Variants in PLPPR1 observed in about 807,000 individuals in gnomAD.
The protein encoded by PLPPR1 is phospholipid phosphatase-related protein type 1.
In PLPPR1, 10 loss-of-function variants were observed where a neutral mutation model predicts 33.1. The ratio of observed to expected loss-of-function variants is 0.30; its 90% CI spans 0.19 to 0.51. The LOEUF (loss-of-function observed/expected upper bound fraction) is 0.51. Ranked by LOEUF, PLPPR1 falls within the 20% of genes least tolerant of loss-of-function variation. The pLI, the probability that PLPPR1 is intolerant of heterozygous loss-of-function variation, is 0.97. For missense variants in PLPPR1, 304 were observed against 408.1 expected, an observed-to-expected ratio of 0.74 and a Z score of 2.20; for synonymous variants, 151 against 151.0, an observed-to-expected ratio of 1.00 and a Z score of 0.00.
chr9:101,168,337 G>A (rs1825890683), intron 1 of PLPPR1, among the ~76,000 whole-genome samples: 1 of 151,976 alleles, frequency 6.6e-6, no homozygotes, highest in Admixed American at 6.6e-5. Flanking sequence ...TTATGTGCTG[G>A]CCAAACTTGC....
At chr9:101,268,739 C>G (rs1162788658) in intron 2 of PLPPR1, among the ~76,000 whole-genome samples, 1 of 152,196 alleles carries the variant, frequency 6.6e-6, no homozygotes, top group Non-Finnish European at 1.5e-5. Flanking sequence ...AAAATACAAA[C>G]AACTTTAAGC....
In PLPPR1 at chr9:101,082,417, G is replaced by T. The variant is rs544012673; in HGVS notation, c.-46+53315G>T. Among the ~76,000 whole-genome samples, 16 of 152,186 alleles carry T rather than the reference G, an allele frequency of 1.1e-4. No individual in the cohort carries two copies. The South Asian group carries it at 2.5e-3, about 24-fold the overall frequency. On this transcript the variant is annotated intron_variant, in intron 1 of 7. Coordinates refer to ENST00000374874, the MANE Select transcript of PLPPR1 (RefSeq NM_207299.2). Reference sequence around the variant, plus strand: ...AAAGCATTCCTCCTCCCCCACCAAGGAGGGGATTTTTATTTTTATTTTTTT... The same window carrying T: ...AAAGCATTCCTCCTCCCCCACCAAGTAGGGGATTTTTATTTTTATTTTTTT...
At chr9:101,115,145 A>G (rs922205005) in intron 1 of PLPPR1, among the ~76,000 whole-genome samples, 1 of 152,122 alleles carries the variant, frequency 6.6e-6, no homozygotes, top group Non-Finnish European at 1.5e-5. Context: ...CATTTATGAC[A>G]CCTCAATCCA....
intron 1 of PLPPR1, among the ~76,000 whole-genome samples, chr9:101,075,109 T>A (rs1830521231): frequency 1.3e-5 from 2 of 152,152 alleles, no homozygotes. Flanking sequence ...TCTTAAATAA[T>A]CCAGTGTTTA....
At chr9:101,307,420 C>T (rs1828877074) in intron 4 of PLPPR1, among the ~76,000 whole-genome samples, 1 of 152,170 alleles carries the variant, frequency 6.6e-6, no homozygotes, top group African/African-American at 2.4e-5. Flanking sequence ...CCTTGAAAGA[C>T]CCAGCAACCT....
In PLPPR1 at chr9:101,091,063, T is replaced by G. The variant is rs1418207047; in HGVS notation, c.-46+61961T>G. ...CAATCTCAAATCTGCATCTCTAATC[T>G]AGAGTTATTTTCTGATCTTCAGACC... On this transcript the variant is annotated intron_variant, in intron 1 of 7. Transcript: ENST00000374874. Among the ~76,000 whole-genome samples the G allele has an allele frequency of 2.9e-4, 44 of 151,972 alleles. 1 individual carries two copies. Among genetic ancestry groups the G allele is most frequent in the Admixed American group, 2.9e-3 (44 of 15,252 alleles).
At chr9:101,290,832 A>G (rs888791836) in intron 4 of PLPPR1, among the ~76,000 whole-genome samples, 2 of 152,224 alleles carry the variant, frequency 1.3e-5, no homozygotes, top group African/African-American at 4.8e-5. Context: ...GAACAGCTCC[A>G]GTCTACAGCT....
intron 1 of PLPPR1, among the ~76,000 whole-genome samples, chr9:101,180,165 CACACACACACAG>C (rs1826083556): frequency 7.2e-6 from 1 of 138,744 alleles, no homozygotes; most frequent in South Asian, 2.3e-4. Flanking sequence ...CACACACATA[CACACACACACAG>C]ACACACACAT....
At chr9:101,232,977 A>G (rs1827222096) in intron 2 of PLPPR1, among the ~76,000 whole-genome samples, 1 of 152,040 alleles carries the variant, frequency 6.6e-6, no homozygotes, top group South Asian at 2.1e-4. Context: ...CAACTTTCTT[A>G]CCTGATCCAA....
chr9:101,064,148 T>G (rs998937379), intron 1 of PLPPR1, among the ~76,000 whole-genome samples: 6 of 152,130 alleles, frequency 3.9e-5, no homozygotes, highest in Non-Finnish European at 7.4e-5. Flanking sequence ...GTACTGACAC[T>G]TTATATTAAT....
chr9:101,172,907 A>C (rs377278097), intron 1 of PLPPR1, among the ~76,000 whole-genome samples: 4 of 152,118 alleles, frequency 2.6e-5, no homozygotes, highest in South Asian at 2.1e-4. Context: ...CCTCATGTCC[A>C]ATGTCTTGAA....
At chr9:101,228,048 G>T (rs902547185) in intron 2 of PLPPR1, among the ~76,000 whole-genome samples, 1 of 152,100 alleles carries the variant, frequency 6.6e-6, no homozygotes, top group African/African-American at 2.4e-5. Flanking sequence ...CAAAGTGCTG[G>T]GATTACAGAC....
At chr9:101,315,270 T>G (rs1829030973) in intron 6 of PLPPR1, among the ~76,000 whole-genome samples, 1 of 151,984 alleles carries the variant, frequency 6.6e-6, no homozygotes, top group African/African-American at 2.4e-5. Flanking sequence ...TCCTGAGGAA[T>G]TTTTTTAAGA....
intron 2 of PLPPR1, among the ~76,000 whole-genome samples, chr9:101,260,927 A>C (rs1015428611): frequency 3.3e-5 from 5 of 152,226 alleles, no homozygotes; most frequent in African/African-American, 1.2e-4. Context: ...AGAAAGAAGA[A>C]TGGAGGAAGA....
intron 1 of PLPPR1, among the ~76,000 whole-genome samples, chr9:101,061,129 G>A (rs1218470428): frequency 1.3e-5 from 2 of 151,842 alleles, no homozygotes; most frequent in African/African-American, 4.8e-5. Flanking sequence ...TCTTTGAGGT[G>A]ATAGATTCTG....
At chr9:101,160,693 A>G (rs917846004) in intron 1 of PLPPR1, among the ~76,000 whole-genome samples, 42 of 152,230 alleles carry the variant, frequency 2.8e-4, no homozygotes, top group African/African-American at 1.0e-3. Context: ...TGGATAAAAG[A>G]CTTATAATCT....
chr9:101,185,156 G>C (rs149654549), intron 1 of PLPPR1: 190 of 237,896 alleles, frequency 8.0e-4, no homozygotes, highest in African/African-American at 3.8e-3. Flanking sequence ...AGTCTACTGG[G>C]GTAAGGCACT....
intron 3 of PLPPR1, among the ~76,000 whole-genome samples, chr9:101,284,413 T>A (rs1315903403): frequency 2.0e-5 from 3 of 152,196 alleles, no homozygotes; most frequent in Admixed American, 2.0e-4. Context: ...CAGAAGTTGA[T>A]CTCACAAGAG....
chr9:101,088,065 C>T (rs1385030092), intron 1 of PLPPR1, among the ~76,000 whole-genome samples: 1 of 152,160 alleles, frequency 6.6e-6, no homozygotes, highest in Non-Finnish European at 1.5e-5. Context: ...AGGACCCTTA[C>T]TGATAGTTTG....
Sources: allele counts gnomAD v4.1 joint callset (sites outside exome capture counted in the v4.1 genomes callset), GRCh38; gene constraint gnomAD v4.1.1; transcripts MANE v1.5; gene names NCBI Gene and HGNC (gene_info 2026-07-23, HGNC 2026-07-21).